DLG2: variants seen among roughly 807,000 people sequenced by gnomAD.
The protein encoded by DLG2 is disks large homolog 2.
A neutral mutation model predicts 132.5 loss-of-function variants in DLG2; 45 were observed. The ratio of observed to expected loss-of-function variants is 0.34; its 90% CI spans 0.27 to 0.44. The LOEUF is 0.44. Among genes scored for constraint, DLG2 ranks in the 20% least tolerant of loss-of-function variants. The probability of loss-of-function intolerance (pLI) is 1.00; values close to 1 mark genes in which losing one functional copy is unlikely to be tolerated. For synonymous variants in DLG2, 424 were observed against 419.6 expected (o/e 1.01, Z -0.13); for missense variants, 1,045 against 1,196.9 (o/e 0.87, Z 1.87).
At chr11:85,570,721 T>G (rs1028470080) in intron 3 of DLG2, among the ~76,000 whole-genome samples, 1 of 152,176 alleles carries the variant, frequency 6.6e-6, no homozygotes, top group Non-Finnish European at 1.5e-5. Flanking sequence ...TCTCCTCTCT[T>G]GATAATTTCA....
At chr11:83,771,204 T>C (rs1161044427) in intron 18 of DLG2, among the ~76,000 whole-genome samples, 2 of 152,212 alleles carry the variant, frequency 1.3e-5, no homozygotes, top group African/African-American at 2.4e-5. Flanking sequence ...TTATAGATAA[T>C]TGTGTTTCTT....
intron 7 of DLG2, among the ~76,000 whole-genome samples, chr11:84,326,434 C>T (rs67892880): frequency 0.22 from 34,138 of 151,964 alleles, 3,956 homozygotes; most frequent in East Asian, 0.31. Flanking sequence ...GCTTTTATTT[C>T]CATTTGTCTC....
intron 6 of DLG2, among the ~76,000 whole-genome samples, chr11:84,749,409 T>C (rs879801360): frequency 1.3e-5 from 2 of 152,220 alleles, no homozygotes; most frequent in Non-Finnish European, 2.9e-5. Flanking sequence ...AAACTGCATA[T>C]AAGATAGTGG....
At chr11:84,885,198 T>G (rs1370601874) in intron 6 of DLG2, among the ~76,000 whole-genome samples, 1 of 151,872 alleles carries the variant, frequency 6.6e-6, no homozygotes, top group Non-Finnish European at 1.5e-5. Flanking sequence ...GTTTGCATAC[T>G]GGAGGACAAA....
intron 4 of DLG2, among the ~76,000 whole-genome samples, chr11:85,162,982 G>T (rs1040836564): frequency 6.6e-6 from 1 of 152,096 alleles, no homozygotes; most frequent in Admixed American, 6.6e-5. Context: ...TCTAATAACT[G>T]CCAGCACAGC....
intron 4 of DLG2, among the ~76,000 whole-genome samples, chr11:85,180,289 T>C (rs1364913732): frequency 6.6e-6 from 1 of 151,906 alleles, no homozygotes; most frequent in Non-Finnish European, 1.5e-5. Context: ...GTGACATTTA[T>C]TCTGTTCTTT....
chr11:83,771,569 TTACTG>T (rs1393128875), intron 18 of DLG2, among the ~76,000 whole-genome samples: 19 of 152,174 alleles, frequency 1.2e-4, no homozygotes, highest in African/African-American at 4.6e-4. Context: ...CATGTTACTG[TTACTG>T]TACTGAATAC....
intron 6 of DLG2, among the ~76,000 whole-genome samples, chr11:84,770,944 G>A (rs962285073): frequency 2.0e-5 from 3 of 151,872 alleles, no homozygotes; most frequent in South Asian, 2.1e-4. Flanking sequence ...GAGCCACTGC[G>A]CTCAGCCGAT....
intron 6 of DLG2, among the ~76,000 whole-genome samples, chr11:84,535,337 G>T (rs1013738485): frequency 2.6e-5 from 4 of 152,164 alleles, no homozygotes; most frequent in East Asian, 1.9e-4. Flanking sequence ...CAGGACAAAA[G>T]ATCACAATTT....
chr11:83,770,255 G>GTATTTTTTTTTTT (rs2094332782), intron 18 of DLG2, among the ~76,000 whole-genome samples: 1 of 109,918 alleles, frequency 9.1e-6, no homozygotes, highest in African/African-American at 4.1e-5. Flanking sequence ...GGTGTCTGGT[G>GTATTTTTTTTTTT]TTTTTTTTTG....
rs141733577 is a variant in DLG2, at chr11:84,221,492, C to G, written c.573+29746G>C. Among the ~76,000 whole-genome samples, 123 of 152,062 alleles carry G rather than the reference C, an allele frequency of 8.1e-4. 1 individual carries two copies. In the Middle Eastern group the frequency reaches 0.014, roughly 17 times the overall value. On this transcript the variant is annotated intron_variant, in intron 8 of 27. Transcript: ENST00000376104. ...TAATAATAATAATAATATTAAGAAG[C>G]AGCTATTCTCAATTAATGCTATCTA...
chr11:84,709,395 G>C (rs1323954515), intron 6 of DLG2, among the ~76,000 whole-genome samples: 1 of 151,960 alleles, frequency 6.6e-6, no homozygotes, highest in African/African-American at 2.4e-5. Context: ...CTACATCTGA[G>C]AGAGTAAGAG....
intron 6 of DLG2, among the ~76,000 whole-genome samples, chr11:85,019,340 A>T (rs1219796062): frequency 6.6e-6 from 1 of 152,214 alleles, no homozygotes; most frequent in Non-Finnish European, 1.5e-5. Context: ...GGGAAGGACA[A>T]GGATAGGGGA....
chr11:84,924,253 G>C (rs895133415), intron 6 of DLG2, among the ~76,000 whole-genome samples: 1 of 152,102 alleles, frequency 6.6e-6, no homozygotes, highest in African/African-American at 2.4e-5. Flanking sequence ...TTGGGAAGCC[G>C]ATTCTCAGCT....
At position 84,365,245 on chromosome 11, in the gene DLG2, G is replaced by A. The variant is rs1331934521; in HGVS notation, c.520-113954C>T. Among the ~76,000 whole-genome samples the A allele has an allele frequency of 2.6e-5, 4 of 152,270 alleles. No homozygotes were observed. The East Asian group carries it at 7.7e-4, about 29-fold the overall frequency. ...TTCTTCCTGGTTTAGTCTTGGGAGAGTGTATGTGCCGAGGAATTTATCCAT... is the reference window on the plus strand; with the variant it reads ...TTCTTCCTGGTTTAGTCTTGGGAGAATGTATGTGCCGAGGAATTTATCCAT... On this transcript the variant is annotated intron_variant, in intron 7 of 27. Coordinates refer to ENST00000376104, the MANE Select transcript of DLG2 (RefSeq NM_001142699.3).
At chr11:83,838,086 T>C (rs1394575200) in intron 16 of DLG2, among the ~76,000 whole-genome samples, 2 of 151,982 alleles carry the variant, frequency 1.3e-5, no homozygotes, top group Non-Finnish European at 2.9e-5. Flanking sequence ...GACTCTGACA[T>C]TTGTCCCTGT....
intron 6 of DLG2, among the ~76,000 whole-genome samples, chr11:84,626,436 C>T (rs2099622628): frequency 6.6e-6 from 1 of 152,114 alleles, no homozygotes; most frequent in Non-Finnish European, 1.5e-5. Flanking sequence ...ATCATTGATT[C>T]ATCTAGCAAA....
chr11:84,354,969 T>A (rs1280123163), intron 7 of DLG2, among the ~76,000 whole-genome samples: 1 of 152,142 alleles, frequency 6.6e-6, no homozygotes, highest in East Asian at 1.9e-4. Context: ...TAATAACCAA[T>A]TTTTGAACAT....
intron 11 of DLG2, among the ~76,000 whole-genome samples, chr11:84,048,476 A>G (rs1034736443): frequency 6.6e-6 from 1 of 151,694 alleles, no homozygotes; most frequent in African/African-American, 2.4e-5. Flanking sequence ...TTGTTCCAGC[A>G]TGGCCTTTCA....
Sources: gnomAD v4.1 joint callset for allele counts (sites outside exome capture counted in the v4.1 genomes callset) on GRCh38, gnomAD v4.1.1 for gene constraint, MANE v1.5 for transcripts, NCBI Gene and HGNC (gene_info 2026-07-23, HGNC 2026-07-21) for gene names.